Variants in PRIM2 observed in about 807,000 individuals in gnomAD.
PRIM2 encodes DNA primase subunit 2, also known as DNA primase large subunit.
A neutral mutation model predicts 67.3 loss-of-function variants in PRIM2; 39 were observed. That is an observed-to-expected ratio of 0.58 (90% CI 0.45 to 0.76). The LOEUF (loss-of-function observed/expected upper bound fraction) is 0.76, where lower values mean the gene tolerates loss of function less well. Ranked by LOEUF, PRIM2 falls within the 30% of genes least tolerant of loss-of-function variation. PRIM2 has a pLI of 0.00. For synonymous variants in PRIM2, 143 were observed against 198.7 expected (o/e 0.72, Z 2.36); for missense variants, 398 against 598.7 (o/e 0.66, Z 3.50).
At chr6:57,306,786 T>C in the PRIM2 span, among the ~76,000 whole-genome samples, 1 of 152,220 alleles carries the variant, frequency 6.6e-6, no homozygotes, top group Admixed American at 6.5e-5. Flanking sequence ...ATCTTGAATT[T>C]GATCATTTCC....
chr6:57,581,822 T>TA (rs1776088659), intron 10 of PRIM2, among the ~76,000 whole-genome samples: 1 of 152,198 alleles, frequency 6.6e-6, no homozygotes, highest in South Asian at 2.1e-4. Flanking sequence ...AAAAGATTCC[T>TA]AACAGTTCAG....
At chr6:57,424,100 T>C (rs1226046254) in intron 7 of PRIM2, among the ~76,000 whole-genome samples, 2 of 152,192 alleles carry the variant, frequency 1.3e-5, no homozygotes, top group African/African-American at 4.8e-5. Flanking sequence ...AAAAAGTACA[T>C]TTATTTCAGG....
chr6:57,492,551 A>AAAT (rs1773921656), intron 7 of PRIM2, among the ~76,000 whole-genome samples: 4 of 151,218 alleles, frequency 2.6e-5, no homozygotes, highest in Admixed American at 6.6e-5. Flanking sequence ...CTAAAAAAAA[A>AAAT]AAATAAATAA....
intron 10 of PRIM2, among the ~76,000 whole-genome samples, chr6:57,583,281 A>C (rs1776130430): frequency 1.4e-5 from 2 of 143,642 alleles, no homozygotes; most frequent in African/African-American, 2.6e-5. Context: ...GCACCCACTA[A>C]CTCGTCATCT....
chr6:57,375,931 G>T (rs9475901), intron 5 of PRIM2, among the ~76,000 whole-genome samples: 7,201 of 151,946 alleles, frequency 0.047, 306 homozygotes, highest in African/African-American at 0.11. Context: ...AAATGGCCAG[G>T]CATGGTGGCT....
At chr6:57,245,618 C>A in the PRIM2 span, among the ~76,000 whole-genome samples, 2 of 152,164 alleles carry the variant, frequency 1.3e-5, no homozygotes, top group African/African-American at 2.4e-5. Context: ...TAGAGCACAA[C>A]CTAAGATAGC....
intron 7 of PRIM2, among the ~76,000 whole-genome samples, chr6:57,444,553 C>T (rs554938129): frequency 2.9e-4 from 41 of 139,528 alleles, no homozygotes; most frequent in Non-Finnish European, 4.4e-4. Flanking sequence ...GGTGACAGGG[C>T]GAGATTCCAT....
intron 8 of PRIM2, among the ~76,000 whole-genome samples, chr6:57,525,213 A>G (rs1215801896): frequency 2.0e-5 from 3 of 152,148 alleles, no homozygotes; most frequent in Non-Finnish European, 4.4e-5. Flanking sequence ...AAAAGACTTT[A>G]TTATTCCAAA....
chr6:57,310,742 C>T (rs1038145826), upstream of PRIM2, among the ~76,000 whole-genome samples: 31 of 146,150 alleles, frequency 2.1e-4, no homozygotes, highest in African/African-American at 4.6e-4. Flanking sequence ...ACTTCCCAGA[C>T]GGGGTGGCCA....
At chr6:57,355,811 A>T (rs1160583706) in intron 5 of PRIM2, among the ~76,000 whole-genome samples, 1 of 151,538 alleles carries the variant, frequency 6.6e-6, no homozygotes, top group Non-Finnish European at 1.5e-5. Flanking sequence ...TAATTTTTGT[A>T]CTTTTTTTTT....
At chr6:57,542,938 G>GTTTTTTTTTTTTTTTTTTTTT (rs1581980392) in intron 10 of PRIM2, among the ~76,000 whole-genome samples, 1 of 56,884 alleles carries the variant, frequency 1.8e-5, no homozygotes, top group African/African-American at 1.1e-4. Context: ...CTGCTTATAG[G>GTTTTTTTTTTTTTTTTTTTTT]ATTTTTTTTT....
At chr6:57,274,786 A>G in the PRIM2 span, among the ~76,000 whole-genome samples, 1 of 151,780 alleles carries the variant, frequency 6.6e-6, no homozygotes, top group Non-Finnish European at 1.5e-5. Context: ...CCCTCTGTTT[A>G]TTTATTTTGA....
At chr6:57,292,065 T>G in the PRIM2 span, among the ~76,000 whole-genome samples, 1 of 152,158 alleles carries the variant, frequency 6.6e-6, no homozygotes, top group Non-Finnish European at 1.5e-5. Context: ...TGTCCCTGTT[T>G]GCAGATGACA....
At chr6:57,389,395 A>T (rs1279195656) in intron 7 of PRIM2, among the ~76,000 whole-genome samples, 1 of 152,200 alleles carries the variant, frequency 6.6e-6, no homozygotes, top group South Asian at 2.1e-4. Context: ...AATTACAGGC[A>T]TGAGTCACCA....
intron 5 of PRIM2, among the ~76,000 whole-genome samples, chr6:57,334,894 C>T (rs951904113): frequency 2.0e-5 from 3 of 152,218 alleles, no homozygotes; most frequent in Non-Finnish European, 2.9e-5. Flanking sequence ...CGGTCTACAG[C>T]TCCCAGCGTG....
chr6:57,434,681 AT>A (rs1771954465), intron 7 of PRIM2, among the ~76,000 whole-genome samples: 1 of 152,050 alleles, frequency 6.6e-6, no homozygotes, highest in Non-Finnish European at 1.5e-5. Context: ...GCCTTCTGCC[AT>A]TTAACTATCT....
chr6:57,646,152 T>C lies in PRIM2; in HGVS notation c.1524T>C (p.Asp508=). 6.3e-7 allele frequency: 1 copy of C among 1,575,224 alleles called. No homozygotes were observed. Among genetic ancestry groups the C allele is most frequent in the Admixed American group, 1.7e-5 (1 of 59,688 alleles). ...MEGLEDYFSE[D]S ...GACTAGAAGATTACTTTAGTGAAGATTCTTAGGCAGTTTTATAACCCTTTT... is the reference window on the plus strand; with the variant it reads ...GACTAGAAGATTACTTTAGTGAAGACTCTTAGGCAGTTTTATAACCCTTTT... The change falls in exon 14 of 14, where the codon GAT becomes GAC. Residue 508 remains aspartate, a synonymous_variant. Transcript: ENST00000615550.
chr6:57,393,280 T>G (rs1247437579), intron 7 of PRIM2, among the ~76,000 whole-genome samples: 2 of 152,194 alleles, frequency 1.3e-5, no homozygotes, highest in East Asian at 3.9e-4. Flanking sequence ...ATCAGCAGTG[T>G]AGAAATGTTC....
chr6:57,315,352 T>G (rs1305780284), upstream of PRIM2, among the ~76,000 whole-genome samples: 1 of 150,304 alleles, frequency 6.7e-6, no homozygotes, highest in Non-Finnish European at 1.5e-5. Context: ...CTAATTAACA[T>G]CCCTCTACTA....
Sources: allele counts gnomAD v4.1 joint callset (sites outside exome capture counted in the v4.1 genomes callset), GRCh38; gene constraint gnomAD v4.1.1; transcripts MANE v1.5; gene names NCBI Gene and HGNC (gene_info 2026-07-23, HGNC 2026-07-21).